Variants in PYM1 observed in about 807,000 individuals in gnomAD.
PYM1 encodes PYM1 exon junction complex associated factor.
A neutral mutation model predicts 20.7 loss-of-function variants in PYM1; 7 were observed. The observed-to-expected ratio is 0.34, with a 90% CI of 0.19 to 0.64. PYM1 has a LOEUF of 0.64. Ranked by LOEUF, PYM1 falls within the 30% of genes least tolerant of loss-of-function variation. The pLI is 0.74. For missense variants in PYM1, 194 were observed against 250.0 expected (o/e 0.78, Z 1.51); for synonymous variants, 100 against 99.2 (o/e 1.01, Z -0.05).
In PYM1 at chr12:55,902,195, G is replaced by A. The variant is rs1882704885; in HGVS notation, c.292C>T (p.Arg98Trp). The A allele has an allele frequency of 1.9e-6, 3 of 1,613,994 alleles. No individual in the cohort carries two copies. The highest frequency in any genetic ancestry group is 1.3e-5 in the African/African-American group (1 of 74,984). The part of the protein sequence containing the change: ...KRNLKRKEKR[R>W]QQQEKGEAEA... ...GCCTCTCCTTTCTCTTGCTGCTGCC[G>A]CCTCTTCTCCTTTCGCTTCAGGTTA... Residue 98 changes from arginine to tryptophan, a missense_variant, in exon 3 of 3, where the codon CGG becomes TGG. Arg to Trp is a moderately radical substitution (Grantham distance 101). Coordinates refer to ENST00000408946, the MANE Select transcript of PYM1 (RefSeq NM_032345.3).
intron 1 of PYM1, among the ~76,000 whole-genome samples, chr12:55,912,580 G>A (rs1216218362): frequency 3.3e-5 from 5 of 150,744 alleles, no homozygotes; most frequent in Admixed American, 2.7e-4. Flanking sequence ...GCAAAACTCC[G>A]CAAGAGGGGG....
chr12:55,911,960 TAAAA>T (rs915246858), intron 1 of PYM1, among the ~76,000 whole-genome samples: 3 of 151,990 alleles, frequency 2.0e-5, no homozygotes, highest in Non-Finnish European at 4.4e-5. Context: ...TTTGGCAAGA[TAAAA>T]AAAGTCAGAG....
rs199877321 is a variant in PYM1, at chr12:55,905,778, ATAT to A, written c.38-2301_38-2299del. Among the ~76,000 whole-genome samples, 591 of 133,396 alleles carry A rather than the reference ATAT, an allele frequency of 4.4e-3. 1 individual carries two copies. Among genetic ancestry groups the A allele is most frequent in the Non-Finnish European group, 6.7e-3 (428 of 64,068 alleles). 87.5% of individuals were successfully genotyped at this position (133,396 alleles called of 152,430 possible). ...GGAAAATTTATTTTATATTATATATATATTATTATTATTATATAAAATAAATAA... is the reference window on the plus strand; with the variant it reads ...GGAAAATTTATTTTATATTATATATATATTATTATTATATAAAATAAATAA... On this transcript the variant is annotated intron_variant, in intron 1 of 2. Transcript: ENST00000408946.
At chr12:55,905,139 C>CT (rs1183330431) in intron 1 of PYM1, among the ~76,000 whole-genome samples, 1 of 150,266 alleles carries the variant, frequency 6.7e-6, no homozygotes, top group Admixed American at 6.6e-5. Flanking sequence ...GTAGCTGGGA[C>CT]TACAGGCGCC....
At chr12:55,924,516 T>C (rs536808195) in intron 1 of PYM1, among the ~76,000 whole-genome samples, 3 of 151,962 alleles carry the variant, frequency 2.0e-5, no homozygotes, top group African/African-American at 7.2e-5. Flanking sequence ...AAAATCTGGC[T>C]GTGAAGAAAA....
intron 1 of PYM1, among the ~76,000 whole-genome samples, chr12:55,907,816 G>T (rs1366437948): frequency 6.6e-6 from 1 of 151,540 alleles, no homozygotes; most frequent in Non-Finnish European, 1.5e-5. Context: ...GCAAGTGCCT[G>T]TAGTCTCAGC....
intron 1 of PYM1, among the ~76,000 whole-genome samples, chr12:55,917,005 G>A (rs1266848484): frequency 1.3e-5 from 2 of 152,042 alleles, no homozygotes; most frequent in African/African-American, 2.4e-5. Flanking sequence ...GGGAGGCTAA[G>A]CTGGGAGGAT....
chr12:55,914,440 T>G, intron 1 of PYM1: 2 of 688,178 alleles, frequency 2.9e-6, no homozygotes, highest in Non-Finnish European at 5.3e-6. Flanking sequence ...AACTAGAGAT[T>G]GGGGACTGCT....
At chr12:55,923,165 G>A (rs948816181) in intron 1 of PYM1, among the ~76,000 whole-genome samples, 33 of 151,968 alleles carry the variant, frequency 2.2e-4, no homozygotes, top group African/African-American at 7.2e-4. Flanking sequence ...CAGAGGTTGC[G>A]GTGAGCTGAG....
At chr12:55,903,552 TA>T in intron 1 of PYM1, 72 bp from the exon 2 acceptor site, 1 of 1,423,386 alleles carries the variant, frequency 7.0e-7, no homozygotes, top group Non-Finnish European at 9.8e-7. Context: ...CAAGAATGTA[TA>T]AATGTACATA....
In PYM1 at chr12:55,903,376, T is replaced by C. The variant is rs1159257326; in HGVS notation, c.131+11A>G. The C allele has an allele frequency of 1.2e-6, 2 of 1,613,490 alleles. No individual in the cohort carries two copies. Among genetic ancestry groups the C allele is most frequent in the Non-Finnish European group, 1.7e-6 (2 of 1,179,616 alleles). On this transcript the variant is annotated intron_variant, in intron 2 of 2. Coordinates refer to ENST00000408946, the MANE Select transcript of PYM1 (RefSeq NM_032345.3). ...CATCAGAAAACCCCTACGCAAAGCC[T>C]AACCACGTACACTGGGACCTCCTCC...
intron 1 of PYM1, chr12:55,927,504 G>A: frequency 1.5e-6 from 1 of 688,186 alleles, no homozygotes. Context: ...CCAGGCTCTG[G>A]CCTGCACCCA....
Position 55,904,214 on chromosome 12 carries a change from G to A in PYM1, c.38-734C>T, listed in dbSNP as rs1171333890. On this transcript the variant is annotated intron_variant, in intron 1 of 2. Coordinates refer to ENST00000408946, the MANE Select transcript of PYM1 (RefSeq NM_032345.3). ...ACTCCTGACCTCAGGTGATCCGCCCGCCTCGGCCTCCCAAATTGCTGGGAT... is the reference window on the plus strand; with the variant it reads ...ACTCCTGACCTCAGGTGATCCGCCCACCTCGGCCTCCCAAATTGCTGGGAT... Among the ~76,000 whole-genome samples, 7 of 151,552 alleles carry A rather than the reference G, an allele frequency of 4.6e-5. No homozygotes were observed. In the East Asian group the frequency reaches 6.0e-4, roughly 13 times the overall value.
intron 1 of PYM1, among the ~76,000 whole-genome samples, chr12:55,912,841 G>A (rs1363522945): frequency 2.0e-5 from 3 of 151,414 alleles, no homozygotes; most frequent in African/African-American, 4.9e-5. Flanking sequence ...GCAAGCTCCT[G>A]TAATCCCAGC....
intron 1 of PYM1, among the ~76,000 whole-genome samples, chr12:55,924,066 A>T (rs907293573): frequency 2.0e-5 from 3 of 149,484 alleles, no homozygotes; most frequent in African/African-American, 7.4e-5. Context: ...ACAGAGTGAG[A>T]CTCTGTCTCA....
intron 1 of PYM1, chr12:55,926,996 C>T: frequency 1.4e-6 from 2 of 1,405,198 alleles, no homozygotes; most frequent in Non-Finnish European, 1.9e-6. Context: ...CCGGGATGGG[C>T]GGGGCACAGA....
intron 1 of PYM1, among the ~76,000 whole-genome samples, chr12:55,921,589 T>C (rs1476899032): frequency 6.6e-6 from 1 of 152,114 alleles, no homozygotes; most frequent in African/African-American, 2.4e-5. Context: ...GTTTTTAACA[T>C]TACTCTTTAG....
rs117853156 is a variant in PYM1 at position 55,903,003 on chromosome 12, G to A, written c.131+384C>T. 7.9e-5 allele frequency among the ~76,000 whole-genome samples: 12 copies of A among 151,214 alleles called. No individual in the cohort carries two copies. The East Asian group carries it at 2.3e-3, about 29-fold the overall frequency. On this transcript the variant is annotated intron_variant, in intron 2 of 2. Transcript: ENST00000408946. ...TCACCACTTTGGGGAGGCTGTTCTT[G>A]AACTCCTGACCTCAAGTAATCCACC...
intron 1 of PYM1, among the ~76,000 whole-genome samples, chr12:55,919,059 T>C (rs1883055598): frequency 6.6e-6 from 1 of 152,236 alleles, no homozygotes; most frequent in South Asian, 2.1e-4. Context: ...AAGGCTTAAA[T>C]GAGTTACTAT....
Sources: allele counts gnomAD v4.1 joint callset (sites outside exome capture counted in the v4.1 genomes callset), GRCh38; gene constraint gnomAD v4.1.1; transcripts MANE v1.5; gene names NCBI Gene and HGNC (gene_info 2026-07-23, HGNC 2026-07-21).